EPB41L4B: variants seen among roughly 807,000 people sequenced by gnomAD.
EPB41L4B encodes erythrocyte membrane protein band 4.1 like 4B.
Under a neutral mutation model 112.5 loss-of-function variants are expected in EPB41L4B, and 30 were observed. The observed-to-expected ratio is 0.27, with a 90% CI of 0.20 to 0.36. The LOEUF (loss-of-function observed/expected upper bound fraction) is 0.36. EPB41L4B is among the 10% of genes least tolerant of loss of function. The probability of loss-of-function intolerance (pLI) is 1.00; values close to 1 mark genes in which losing one functional copy is unlikely to be tolerated. For synonymous variants in EPB41L4B, 408 were observed against 439.7 expected, an observed-to-expected ratio of 0.93 and a Z score of 0.90; for missense variants, 1,024 against 1,133.3, an observed-to-expected ratio of 0.90 and a Z score of 1.38.
At chr9:109,285,568 C>A (rs1158664437) in intron 1 of EPB41L4B, among the ~76,000 whole-genome samples, 2 of 152,144 alleles carry the variant, frequency 1.3e-5, no homozygotes, top group Non-Finnish European at 2.9e-5. Flanking sequence ...TTTCCAGCTT[C>A]AAGAATAATC....
chr9:109,275,648 G>C (rs562130594), intron 2 of EPB41L4B, among the ~76,000 whole-genome samples: 4 of 152,212 alleles, frequency 2.6e-5, no homozygotes, highest in African/African-American at 9.6e-5. Context: ...CACGTCCCAG[G>C]TTACAAAAAC....
chr9:109,223,043 C>G (rs1354597623), intron 15 of EPB41L4B, among the ~76,000 whole-genome samples: 1 of 152,140 alleles, frequency 6.6e-6, no homozygotes, highest in Non-Finnish European at 1.5e-5. Flanking sequence ...GTTACAGGGG[C>G]TCTTCCAGCC....
chr9:109,241,356 A>T (rs1834346557), intron 15 of EPB41L4B: 1 of 1,081,226 alleles, frequency 9.2e-7, no homozygotes, highest in African/African-American at 1.7e-5. Flanking sequence ...CCCATTAATT[A>T]AATAACAAAG....
chr9:109,290,037 A>G (rs1836466454), intron 1 of EPB41L4B, among the ~76,000 whole-genome samples: 1 of 152,126 alleles, frequency 6.6e-6, no homozygotes, highest in Non-Finnish European at 1.5e-5. Flanking sequence ...ACAGTACCTA[A>G]CGGCACCTGT....
At chr9:109,316,502 C>T (rs796200475) in intron 1 of EPB41L4B, among the ~76,000 whole-genome samples, 2 of 152,306 alleles carry the variant, frequency 1.3e-5, no homozygotes, top group Admixed American at 6.5e-5. Context: ...AGAAGGAAAG[C>T]GTCTAGGGCA....
intron 1 of EPB41L4B, among the ~76,000 whole-genome samples, chr9:109,313,522 C>T (rs1033746545): frequency 3.3e-5 from 5 of 152,120 alleles, no homozygotes; most frequent in South Asian, 2.1e-4. Context: ...CCTGGGCTGG[C>T]GAGAGTCGAG....
intron 15 of EPB41L4B, among the ~76,000 whole-genome samples, chr9:109,232,842 C>A (rs1384832734): frequency 1.3e-5 from 2 of 152,178 alleles, no homozygotes; most frequent in Non-Finnish European, 2.9e-5. Context: ...CGCAAATGAT[C>A]CTCTCTCTGT....
At chr9:109,282,401 T>C (rs1417894180) in intron 1 of EPB41L4B, among the ~76,000 whole-genome samples, 2 of 152,218 alleles carry the variant, frequency 1.3e-5, no homozygotes, top group African/African-American at 4.8e-5. Flanking sequence ...GTATGACACG[T>C]GAATCTAAAG....
At chr9:109,232,743 G>C (rs1833997125) in intron 15 of EPB41L4B, among the ~76,000 whole-genome samples, 1 of 152,262 alleles carries the variant, frequency 6.6e-6, no homozygotes, top group Non-Finnish European at 1.5e-5. Context: ...ATGTGAGTCA[G>C]AGTTGGAGCT....
intron 20 of EPB41L4B, among the ~76,000 whole-genome samples, chr9:109,199,102 T>C (rs753820302): frequency 6.6e-6 from 1 of 152,184 alleles, no homozygotes; most frequent in Admixed American, 6.5e-5. Context: ...GTCACTTTAC[T>C]ATTCCCTAAC....
At chr9:109,182,214 A>AAAAC (rs915445077) in intron 24 of EPB41L4B, among the ~76,000 whole-genome samples, 1 of 152,232 alleles carries the variant, frequency 6.6e-6, no homozygotes, top group Non-Finnish European at 1.5e-5. Context: ...ATCCGTCTCA[A>AAAAC]AAACAAACAA....
At chr9:109,210,657 C>T (rs1049235124) in intron 17 of EPB41L4B, among the ~76,000 whole-genome samples, 2 of 152,236 alleles carry the variant, frequency 1.3e-5, no homozygotes, top group East Asian at 1.9e-4. Context: ...TATGAACTGA[C>T]GCAGGTGAAG....
At chr9:109,290,497 T>C (rs528972337) in intron 1 of EPB41L4B, among the ~76,000 whole-genome samples, 70 of 152,212 alleles carry the variant, frequency 4.6e-4, no homozygotes, top group African/African-American at 1.6e-3. Flanking sequence ...AATTCCTTCT[T>C]TTCCCAGTCC....
intron 2 of EPB41L4B, among the ~76,000 whole-genome samples, chr9:109,272,784 G>C (rs1449558483): frequency 6.6e-6 from 1 of 152,142 alleles, no homozygotes; most frequent in Non-Finnish European, 1.5e-5. Flanking sequence ...GTTTAAACTA[G>C]AGCTGGAAGG....
chr9:109,183,015 G>T (rs1275147057), intron 23 of EPB41L4B, among the ~76,000 whole-genome samples: 1 of 152,162 alleles, frequency 6.6e-6, no homozygotes, highest in Non-Finnish European at 1.5e-5. Flanking sequence ...GCCTCAGCAG[G>T]GATGACAGCC....
chr9:109,315,813 A>G (rs1421162428), intron 1 of EPB41L4B, among the ~76,000 whole-genome samples: 1 of 152,168 alleles, frequency 6.6e-6, no homozygotes, highest in Non-Finnish European at 1.5e-5. Context: ...TTTTTGCTGA[A>G]AAAAACATCA....
chr9:109,177,693 C>T (rs1831892689), intron 24 of EPB41L4B, among the ~76,000 whole-genome samples: 2 of 151,914 alleles, frequency 1.3e-5, no homozygotes, highest in South Asian at 4.2e-4. Context: ...CACGCTGGCG[C>T]ACGCCTGTAA....
At chr9:109,175,105 C>A (rs894344804) in intron 25 of EPB41L4B, among the ~76,000 whole-genome samples, 1 of 151,500 alleles carries the variant, frequency 6.6e-6, no homozygotes, top group African/African-American at 2.4e-5. Context: ...TTAGTAGAGA[C>A]GGGGTTTCAC....
intron 5 of EPB41L4B, among the ~76,000 whole-genome samples, chr9:109,264,730 A>G (rs1222207083): frequency 6.6e-6 from 1 of 152,226 alleles, no homozygotes; most frequent in Non-Finnish European, 1.5e-5. Flanking sequence ...GTGATCAGGG[A>G]GAGAGTTATT....
Sources: allele counts gnomAD v4.1 joint callset (sites outside exome capture counted in the v4.1 genomes callset), GRCh38; gene constraint gnomAD v4.1.1; transcripts MANE v1.5; gene names NCBI Gene and HGNC (gene_info 2026-07-23, HGNC 2026-07-21).